Variants in NHS observed in about 807,000 individuals in gnomAD.
NHS encodes NHS actin remodeling regulator.
In NHS, 5 loss-of-function variants were observed where a neutral mutation model predicts 72.5. The observed-to-expected ratio is 0.07, with a 90% CI of 0.04 to 0.14. The LOEUF is 0.14. Among genes scored for constraint, NHS ranks in the 10% least tolerant of loss-of-function variants. The pLI is 1.00. For synonymous variants in NHS, 464 were observed against 547.7 expected (o/e 0.85, Z 2.13); for missense variants, 1,072 against 1,355.7 (o/e 0.79, Z 3.29).
At chrX:17,697,462 GAAGC>G (rs2066238085) in intron 3 of NHS, among the ~76,000 whole-genome samples, 1 of 111,520 alleles carries the variant, frequency 9.0e-6, no homozygotes, top group African/African-American at 3.3e-5. Context: ...AAGAATATAT[GAAGC>G]AAGGGTTTTA....
At chrX:17,529,581 A>G (rs1006072428) in intron 1 of NHS, among the ~76,000 whole-genome samples, 3 of 111,465 alleles carry the variant, frequency 2.7e-5, no homozygotes, top group African/African-American at 9.8e-5. Context: ...GGGAAAAAAA[A>G]TGCTCTCCTT....
At chrX:17,497,207 G>A (rs1189166386) in intron 1 of NHS, among the ~76,000 whole-genome samples, 1 of 111,916 alleles carries the variant, frequency 8.9e-6, no homozygotes, top group Non-Finnish European at 1.9e-5. Context: ...ACACATGGCA[G>A]CATTTGATAG....
intron 1 of NHS, among the ~76,000 whole-genome samples, chrX:17,408,989 A>G (rs2146857461): frequency 9.0e-6 from 1 of 110,909 alleles, no homozygotes; most frequent in African/African-American, 3.3e-5. Flanking sequence ...GCAAGGGAGC[A>G]TACAGGCTCC....
chrX:17,417,196 T>G (rs904209226), intron 1 of NHS, among the ~76,000 whole-genome samples: 1 of 111,212 alleles, frequency 9.0e-6, no homozygotes, highest in Admixed American at 9.6e-5. Flanking sequence ...TCAGAAATTT[T>G]TTTTCTGTAA....
chrX:17,700,443 A>G (rs2066256273), intron 3 of NHS, among the ~76,000 whole-genome samples: 1 of 106,455 alleles, frequency 9.4e-6, no homozygotes. Context: ...GACTGTCTCA[A>G]AAAAAAAAAA....
intron 1 of NHS, among the ~76,000 whole-genome samples, chrX:17,437,687 G>A (rs2064730492): frequency 8.9e-6 from 1 of 111,989 alleles, no homozygotes; most frequent in Non-Finnish European, 1.9e-5. Context: ...TGTAAGTTTT[G>A]ATTGAATTGC....
At chrX:17,495,013 C>T (rs780562691) in intron 1 of NHS, among the ~76,000 whole-genome samples, 16 of 112,172 alleles carry the variant, frequency 1.4e-4, no homozygotes, top group Non-Finnish European at 2.8e-4. Context: ...TACTTCTAAA[C>T]TCACATTTGG....
chrX:17,710,914 G>A (rs767432072), intron 3 of NHS, among the ~76,000 whole-genome samples: 71 of 112,161 alleles, frequency 6.3e-4, no homozygotes, highest in African/African-American at 1.1e-3. Flanking sequence ...CAGTGCAAAG[G>A]TTCCCTTGGA....
Position 17,724,534 on chromosome X carries a change from TA to T in NHS, c.1240+108del, listed in dbSNP as rs936918326. The T allele has an allele frequency of 1.3e-4, 140 of 1,051,249 alleles. 1 individual carries two copies. The Middle Eastern group carries it at 5.8e-3, about 44-fold the overall frequency. 86.6% of individuals were successfully genotyped at this position (1,051,249 alleles called of 1,213,427 possible). A position where few individuals can be genotyped will look rare whatever the true frequency, so the allele number is the denominator to read the frequency against. ...TAAACATTTTAACTTGTAGAGGTTT[TA>T]AAATGGTGTCTATTTGTTTTGTATT... On this transcript the variant is annotated intron_variant, in intron 6 of 8. Coordinates refer to ENST00000676302, the MANE Select transcript of NHS (RefSeq NM_001291867.2).
At chrX:17,647,318 T>G (rs1239062850) in intron 1 of NHS, among the ~76,000 whole-genome samples, 1 of 112,770 alleles carries the variant, frequency 8.9e-6, no homozygotes, top group East Asian at 2.8e-4. Flanking sequence ...CTGTAGAGAT[T>G]AAGAATGCAG....
intron 1 of NHS, among the ~76,000 whole-genome samples, chrX:17,392,617 T>G (rs1393531042): frequency 8.9e-6 from 1 of 112,353 alleles, no homozygotes; most frequent in Non-Finnish European, 1.9e-5. Flanking sequence ...TTCCAGTTTC[T>G]AGAGAAATGT....
At chrX:17,386,663 CAAAAAA>C (rs1184465152) in intron 1 of NHS, among the ~76,000 whole-genome samples, 1 of 38,440 alleles carries the variant, frequency 2.6e-5, no homozygotes, top group African/African-American at 9.0e-5. Context: ...AACTCTGTCT[CAAAAAA>C]AAAAAAAAAA....
At chrX:17,541,438 G>C (rs1272424157) in intron 1 of NHS, among the ~76,000 whole-genome samples, 1 of 112,111 alleles carries the variant, frequency 8.9e-6, no homozygotes, top group Non-Finnish European at 1.9e-5. Flanking sequence ...TTGTGAAGGT[G>C]AACAGCTTAG....
rs1490932762 is a variant in NHS at position 17,719,357 on chromosome X, G to A, written c.866G>A (p.Arg289His). The A allele has an allele frequency of 8.6e-7, 1 of 1,166,140 alleles. No individual in the cohort carries two copies. Among genetic ancestry groups the A allele is most frequent in the Non-Finnish European group, 1.1e-6 (1 of 872,262 alleles). Residue 289 changes from arginine (R) to histidine (H), a missense_variant, in exon 4 of 9, where the codon CGT becomes CAT. Coordinates refer to ENST00000676302, the MANE Select transcript of NHS (RefSeq NM_001291867.2). ...DRHFLTFNST[R>H]SPSPTECCHM... ...TCATGTTCATAGTTTAACAGCACCCGTTCGCCCTCCCCCACTGAATGTTGC... is the reference window on the plus strand; with the variant it reads ...TCATGTTCATAGTTTAACAGCACCCATTCGCCCTCCCCCACTGAATGTTGC...
At position 17,660,623 on chromosome X, in the gene NHS, C is replaced by G. The variant is rs1037020237; in HGVS notation, c.566-27119C>G. On this transcript the variant is annotated intron_variant, in intron 1 of 8. Coordinates refer to ENST00000676302, the MANE Select transcript of NHS (RefSeq NM_001291867.2). ...TTCTGGGTAGTCTCAGGGATTCTCCCTCTCCACATAGTCTTTCCCAGTGGT... is the reference window on the plus strand; with the variant it reads ...TTCTGGGTAGTCTCAGGGATTCTCCGTCTCCACATAGTCTTTCCCAGTGGT... Among the ~76,000 whole-genome samples the G allele has an allele frequency of 6.2e-5, 7 of 112,418 alleles. No individual in the cohort carries two copies. The East Asian group carries it at 1.4e-3, about 23-fold the overall frequency.
chrX:17,454,772 A>G (rs1222421833), intron 1 of NHS, among the ~76,000 whole-genome samples: 1 of 111,966 alleles, frequency 8.9e-6, no homozygotes, highest in Non-Finnish European at 1.9e-5. Context: ...ACAAGGGAAT[A>G]TCGTAAGGCA....
intron 1 of NHS, among the ~76,000 whole-genome samples, chrX:17,427,474 A>G (rs1270832988): frequency 1.8e-5 from 2 of 112,603 alleles, no homozygotes; most frequent in Admixed American, 9.4e-5. Flanking sequence ...TGAATCAAGA[A>G]CCTGAGTGAC....
intron 1 of NHS, among the ~76,000 whole-genome samples, chrX:17,566,907 G>A (rs1156492994): frequency 9.0e-6 from 1 of 110,863 alleles, no homozygotes; most frequent in Non-Finnish European, 1.9e-5. Flanking sequence ...ACTCATTGAG[G>A]GGCTGTCAGA....
chrX:17,694,798 A>G (rs973980285), intron 3 of NHS, among the ~76,000 whole-genome samples: 2 of 111,871 alleles, frequency 1.8e-5, no homozygotes, highest in Admixed American at 9.5e-5. Flanking sequence ...TAGCCAATCA[A>G]TTCCCTGAAG....
Sources: allele counts gnomAD v4.1 joint callset (sites outside exome capture counted in the v4.1 genomes callset), GRCh38; gene constraint gnomAD v4.1.1; transcripts MANE v1.5; gene names NCBI Gene and HGNC (gene_info 2026-07-23, HGNC 2026-07-21).